MCM6: variants seen among roughly 807,000 people sequenced by gnomAD.
MCM6 encodes minichromosome maintenance complex component 6, also known as DNA replication licensing factor MCM6.
A neutral mutation model predicts 94.3 loss-of-function variants in MCM6; 46 were observed. The ratio of observed to expected loss-of-function variants is 0.49; its 90% CI spans 0.39 to 0.62. MCM6 has a LOEUF of 0.62. MCM6 is among the 20% of genes least tolerant of loss of function. The pLI, the probability that MCM6 is intolerant of heterozygous loss-of-function variation, is 0.00. For missense variants in MCM6, 865 were observed against 1,017.9 expected, an observed-to-expected ratio of 0.85 and a Z score of 2.04; for synonymous variants, 335 against 351.9, an observed-to-expected ratio of 0.95 and a Z score of 0.54.
chr2:135,854,094 G>A lies in MCM6; in HGVS notation c.1627-1179C>T, dbSNP rs566201873. Among the ~76,000 whole-genome samples the A allele has an allele frequency of 3.9e-5, 6 of 152,306 alleles. No individual in the cohort carries two copies. The East Asian group carries it at 5.8e-4, about 15-fold the overall frequency. The stretch of plus-strand genomic sequence containing the variant: ...ATACAAAAGTTAGCTGGGCATGGGG[G>A]CCTGCACCTGTAGTTCCAGCTGCTC... On this transcript the variant is annotated intron_variant, in intron 11 of 16. Transcript: ENST00000264156.
At chr2:135,847,729 A>C (rs1330464272) in intron 14 of MCM6, among the ~76,000 whole-genome samples, 3 of 152,120 alleles carry the variant, frequency 2.0e-5, no homozygotes, top group Admixed American at 6.5e-5. Context: ...ACGCCTGGCT[A>C]ATTTTTGCAT....
chr2:135,862,982 T>C (rs1680024857), intron 7 of MCM6, among the ~76,000 whole-genome samples: 1 of 152,236 alleles, frequency 6.6e-6, no homozygotes, highest in Non-Finnish European at 1.5e-5. Context: ...ACCGTGCCAG[T>C]GCTCACCATC....
At chr2:135,859,611 CTTTT>C (rs560217201) in intron 8 of MCM6, among the ~76,000 whole-genome samples, 169 bp from the exon 9 acceptor site, 5 of 144,614 alleles carry the variant, frequency 3.5e-5, no homozygotes, top group Non-Finnish European at 6.1e-5. Context: ...CTCGGCTTTT[CTTTT>C]TTTTTTTTGA....
intron 15 of MCM6, among the ~76,000 whole-genome samples, chr2:135,845,643 T>C (rs547968743): frequency 2.0e-5 from 3 of 152,368 alleles, no homozygotes; most frequent in South Asian, 2.1e-4. Context: ...TGCTTAACTA[T>C]CAAGTAGAAG....
At chr2:135,862,540 G>C in intron 8 of MCM6, 67 bp downstream of exon 8, 2 of 1,563,958 alleles carry the variant, frequency 1.3e-6, no homozygotes, top group Admixed American at 3.4e-5. Flanking sequence ...CTGCATTCTT[G>C]GTAGCACAGC....
At chr2:135,856,974 A>G (rs1340463129) in intron 10 of MCM6, 91 bp from the exon 11 acceptor site, 2 of 1,172,940 alleles carry the variant, frequency 1.7e-6, no homozygotes, top group Admixed American at 2.7e-5. Flanking sequence ...ATAATTAACT[A>G]AACACAAACC....
intron 1 of MCM6, among the ~76,000 whole-genome samples, chr2:135,873,695 T>C (rs993878602): frequency 6.6e-6 from 1 of 152,220 alleles, no homozygotes; most frequent in Non-Finnish European, 1.5e-5. Context: ...AATGGCAGTG[T>C]TGTTCCTGCC....
At chr2:135,844,476 G>C (rs1413584472) in intron 16 of MCM6, 69 bp downstream of exon 16, 19 of 1,332,996 alleles carry the variant, frequency 1.4e-5, no homozygotes, top group Non-Finnish European at 1.8e-5. Flanking sequence ...TTTCACTAGT[G>C]AACCTGCAGA....
At chr2:135,861,818 G>A (rs972428974) in intron 8 of MCM6, among the ~76,000 whole-genome samples, 1 of 152,066 alleles carries the variant, frequency 6.6e-6, no homozygotes, top group African/African-American at 2.4e-5. Context: ...GGGTTTCACC[G>A]TGTTAGCCAG....
At chr2:135,860,826 T>C (rs1679976833) in intron 8 of MCM6, among the ~76,000 whole-genome samples, 1 of 152,194 alleles carries the variant, frequency 6.6e-6, no homozygotes, top group Non-Finnish European at 1.5e-5. Context: ...GAATAAGACA[T>C]GGATGTCTGC....
intron 2 of MCM6, among the ~76,000 whole-genome samples, chr2:135,872,212 G>A (rs1378477404): frequency 2.6e-5 from 4 of 152,196 alleles, no homozygotes; most frequent in African/African-American, 7.2e-5. Flanking sequence ...TTGGGAGGCC[G>A]AGGCGGGCGG....
intron 3 of MCM6, 121 bp downstream of exon 3, chr2:135,870,130 T>C (rs1206072651): frequency 2.9e-6 from 2 of 679,306 alleles, no homozygotes; most frequent in Admixed American, 4.4e-5. Flanking sequence ...AAGTGATTTG[T>C]ATAATGTTAA....
Position 135,846,371 on chromosome 2 carries a change from G to A in MCM6, c.2075C>T (p.Pro692Leu), listed in dbSNP as rs1355542946. 5.0e-6 allele frequency: 8 copies of A among 1,614,030 alleles called. No individual in the cohort carries two copies. The highest frequency in any genetic ancestry group is 1.3e-5 in the African/African-American group (1 of 74,928). Residue 692 changes from proline (P) to leucine (L), a missense_variant, in exon 15 of 17, where the codon CCT becomes CTT. By Grantham distance (98) the Pro-to-Leu change is moderately conservative. Around this residue, in one of 3 missense-constraint regions of MCM6, gnomAD observed 308 missense variants for 324.5 expected, o/e 0.95. Transcript: ENST00000264156. The stretch of plus-strand genomic sequence containing the variant: ...ATTGTAGCCATTGATCCCGTTCACA[G>A]GAGCAGGGCTGTCAGCATGACCTAA... ...GINGHADSPA[P>L]VNGINGYNED...
In MCM6 at chr2:135,876,257, A is replaced by G; in HGVS notation, c.107+2T>C. On this transcript the variant is annotated splice_donor_variant, in intron 1 of 16. Coordinates refer to ENST00000264156, the MANE Select transcript of MCM6 (RefSeq NM_005915.6). LOFTEE classifies it high-confidence loss of function. ...CGAGGCCCGGGGCGCTCGCCGACTT[A>G]CTCCTCCAAGAAGTCCAGGAACAGT... is the stretch of plus-strand genomic sequence containing the variant. The G allele has an allele frequency of 3.8e-6, 6 of 1,594,334 alleles. No individual in the cohort carries two copies. Among genetic ancestry groups the G allele is most frequent in the East Asian group, 2.4e-5 (1 of 42,522 alleles).
At chr2:135,848,024 CA>C in intron 14 of MCM6, 28 bp downstream of exon 14, 1 of 1,579,654 alleles carries the variant, frequency 6.3e-7, no homozygotes. Flanking sequence ...TCCCTAACTC[CA>C]AAACAGTCAC....
rs766817553 is a variant in MCM6 at position 135,852,927 on chromosome 2, C to A, written c.1627-12G>T. On this transcript the variant is annotated splice_polypyrimidine_tract_variant and intron_variant, in intron 11 of 16. Coordinates refer to ENST00000264156, the MANE Select transcript of MCM6 (RefSeq NM_005915.6). ...GCATAATCTGTAACCTAATTCAAAA[C>A]AAAAAAATCACTTTGATAGTCACAG... is the stretch of plus-strand genomic sequence containing the variant. 3.8e-6 allele frequency: 6 copies of A among 1,578,096 alleles called. No individual in the cohort carries two copies. The highest frequency in any genetic ancestry group is 1.9e-5 in the Admixed American group (1 of 51,464).
At chr2:135,862,770 G>A (rs763310284) in intron 7 of MCM6, 22 bp from the exon 8 acceptor site, 2 of 1,609,230 alleles carry the variant, frequency 1.2e-6, no homozygotes, top group South Asian at 1.1e-5. Context: ...AGAAGCTACA[G>A]ATGAAAAACT....
chr2:135,863,726 CAAAACAAAA>C (rs2105587060), intron 7 of MCM6, among the ~76,000 whole-genome samples: 1 of 8,568 alleles, frequency 1.2e-4, no homozygotes, highest in African/African-American at 4.4e-4. Flanking sequence ...AAGACCCTAA[CAAAACAAAA>C]CAAAACAAAA....
chr2:135,855,434 G>A (rs1679855489), intron 11 of MCM6, among the ~76,000 whole-genome samples: 1 of 152,334 alleles, frequency 6.6e-6, no homozygotes, highest in African/African-American at 2.4e-5. Context: ...AGGAGGCTGA[G>A]GTGGTAAGGT....
Sources: allele counts gnomAD v4.1 joint callset (sites outside exome capture counted in the v4.1 genomes callset), GRCh38; gene constraint gnomAD v4.1.1; regional missense constraint gnomAD v4.1.1; transcripts MANE v1.5; gene names NCBI Gene and HGNC (gene_info 2026-07-23, HGNC 2026-07-21).